The following GRID2 variants were observed in gnomAD, a reference collection of about 807,000 sequenced individuals.
The protein encoded by GRID2 is glutamate receptor ionotropic, delta-2.
In GRID2, 33 loss-of-function variants were observed where a neutral mutation model predicts 114.8. The ratio of observed to expected loss-of-function variants is 0.29; its 90% CI spans 0.22 to 0.38. GRID2 has a LOEUF of 0.38. Among genes scored for constraint, GRID2 ranks in the 10% least tolerant of loss-of-function variants. The pLI is 1.00. For synonymous variants in GRID2, 505 were observed against 449.9 expected (o/e 1.12, Z -1.55); for missense variants, 1,184 against 1,257.7 (o/e 0.94, Z 0.89).
At chr4:92,438,807 G>A (rs1376560821) in intron 1 of GRID2, among the ~76,000 whole-genome samples, 3 of 152,104 alleles carry the variant, frequency 2.0e-5, no homozygotes. Context: ...ATACATGAAT[G>A]CTTATTCTTT....
At chr4:93,738,140 G>C (rs900484504) in intron 14 of GRID2, among the ~76,000 whole-genome samples, 1 of 152,104 alleles carries the variant, frequency 6.6e-6, no homozygotes, top group East Asian at 1.9e-4. Flanking sequence ...CTAGACAGAG[G>C]AAATAGCATG....
At chr4:93,162,460 G>C (rs1737779002) in intron 4 of GRID2, among the ~76,000 whole-genome samples, 1 of 151,816 alleles carries the variant, frequency 6.6e-6, no homozygotes, top group African/African-American at 2.4e-5. Flanking sequence ...TGTTAGCGAG[G>C]AATAAAAATA....
intron 4 of GRID2, among the ~76,000 whole-genome samples, chr4:93,177,101 T>C (rs915648037): frequency 3.9e-5 from 6 of 152,114 alleles, no homozygotes; most frequent in African/African-American, 1.4e-4. Context: ...TCCCTGTTAG[T>C]GTGTAGTGTG....
chr4:92,617,060 A>G (rs1289442001), intron 2 of GRID2, among the ~76,000 whole-genome samples: 1 of 151,370 alleles, frequency 6.6e-6, no homozygotes, highest in Non-Finnish European at 1.5e-5. Context: ...TTATGTTGGG[A>G]ACATTCAATA....
intron 13 of GRID2, among the ~76,000 whole-genome samples, chr4:93,616,598 T>C (rs1162236070): frequency 7.1e-6 from 1 of 141,214 alleles, no homozygotes; most frequent in Non-Finnish European, 1.5e-5. Flanking sequence ...ATAAAATAAA[T>C]ATTTTATTAT....
intron 13 of GRID2, among the ~76,000 whole-genome samples, chr4:93,558,515 C>T (rs1240738528): frequency 1.3e-5 from 2 of 152,126 alleles, no homozygotes; most frequent in African/African-American, 4.8e-5. Flanking sequence ...TGGACATACA[C>T]CCTCCCAAGA....
At chr4:92,572,189 G>T (rs62307856) in intron 1 of GRID2, among the ~76,000 whole-genome samples, 20,954 of 151,960 alleles carry the variant, frequency 0.14, 2,330 homozygotes, top group African/African-American at 0.31. Flanking sequence ...AATAAAAAAT[G>T]ATAAAGGGGA....
chr4:92,896,914 G>T (rs1369519343), intron 2 of GRID2, among the ~76,000 whole-genome samples: 2 of 152,040 alleles, frequency 1.3e-5, no homozygotes, highest in Non-Finnish European at 2.9e-5. Flanking sequence ...GGCTAATTTT[G>T]TATTTTTAGT....
chr4:93,713,125 T>C (rs1728626100), intron 14 of GRID2, among the ~76,000 whole-genome samples: 7 of 152,190 alleles, frequency 4.6e-5, no homozygotes, highest in Admixed American at 4.6e-4. Context: ...TCTTTCCAAA[T>C]AATTTAGATG....
chr4:93,200,660 A>G (rs1174323424), intron 4 of GRID2, among the ~76,000 whole-genome samples: 1 of 152,228 alleles, frequency 6.6e-6, no homozygotes, highest in Non-Finnish European at 1.5e-5. Context: ...TGTTTTGTGG[A>G]AATATTTTCC....
intron 8 of GRID2, among the ~76,000 whole-genome samples, chr4:93,302,052 C>T (rs2149169307): frequency 6.6e-6 from 1 of 152,132 alleles, no homozygotes; most frequent in Admixed American, 6.5e-5. Context: ...CCAATAAAAT[C>T]TTATGAGAGC....
At chr4:93,200,574 C>CAAAAACAAAAA (rs1560978087) in intron 4 of GRID2, among the ~76,000 whole-genome samples, 5 of 143,926 alleles carry the variant, frequency 3.5e-5, no homozygotes, top group African/African-American at 1.5e-4. Context: ...TCAAAACAAA[C>CAAAAACAAAAA]AAACAAACAA....
chr4:93,228,775 A>C (rs1005902396), intron 7 of GRID2, among the ~76,000 whole-genome samples: 1 of 152,154 alleles, frequency 6.6e-6, no homozygotes, highest in Non-Finnish European at 1.5e-5. Context: ...GATCCTGAAT[A>C]TATTTCTTCT....
chr4:93,803,289 T>C (rs1734967135), intron 1 of GRID2, among the ~76,000 whole-genome samples: 2 of 152,212 alleles, frequency 1.3e-5, no homozygotes, highest in South Asian at 4.1e-4. Context: ...ATCATTTCAA[T>C]ATCATTTATA....
intron 6 of GRID2, among the ~76,000 whole-genome samples, chr4:93,217,491 C>T (rs1744368138): frequency 6.6e-6 from 1 of 152,078 alleles, no homozygotes; most frequent in Non-Finnish European, 1.5e-5. Flanking sequence ...CTGTAGCTTA[C>T]TCATAAGAAT....
intron 4 of GRID2, among the ~76,000 whole-genome samples, chr4:93,188,813 G>A (rs1740684953): frequency 6.6e-6 from 1 of 152,030 alleles, no homozygotes; most frequent in Admixed American, 6.6e-5. Flanking sequence ...CACCTTCCAC[G>A]AAACCCTGGG....
At chr4:93,490,840 T>A in intron 12 of GRID2, 63 bp downstream of exon 12, 1 of 1,141,432 alleles carries the variant, frequency 8.8e-7, no homozygotes, top group Non-Finnish European at 1.3e-6. Context: ...GCCAAAGCTA[T>A]CTGAGAATAA....
intron 8 of GRID2, among the ~76,000 whole-genome samples, chr4:93,259,955 A>T (rs1172572531): frequency 6.6e-6 from 1 of 151,764 alleles, no homozygotes; most frequent in Non-Finnish European, 1.5e-5. Flanking sequence ...AACATAGCTT[A>T]TTGCCCATGT....
chr4:93,118,894 T>G (rs1446310288), intron 4 of GRID2, among the ~76,000 whole-genome samples: 1 of 152,188 alleles, frequency 6.6e-6, no homozygotes, highest in African/African-American at 2.4e-5. Flanking sequence ...TTTCTATACT[T>G]TATAAGTTAG....
Sources: gnomAD v4.1 joint callset for allele counts (sites outside exome capture counted in the v4.1 genomes callset) on GRCh38, gnomAD v4.1.1 for gene constraint, MANE v1.5 for transcripts, NCBI Gene and HGNC (gene_info 2026-07-23, HGNC 2026-07-21) for gene names.